TGFBR3: variants seen among roughly 807,000 people sequenced by gnomAD.
TGFBR3 encodes transforming growth factor beta receptor type 3.
TGFBR3 carries 46 observed loss-of-function variants against 87.9 expected under a neutral mutation model. The ratio of observed to expected loss-of-function variants is 0.52; its 90% confidence interval spans 0.41 to 0.67. TGFBR3 has a LOEUF of 0.67. Among genes scored for constraint, TGFBR3 ranks in the 30% least tolerant of loss-of-function variants. The probability of loss-of-function intolerance (pLI) is 0.00; values close to 1 mark genes in which losing one functional copy is unlikely to be tolerated. For synonymous variants in TGFBR3, 381 were observed against 391.6 expected (o/e 0.97, Z 0.32); for missense variants, 866 against 1,041.9 (o/e 0.83, Z 2.32).
At chr1:91,842,335 T>A (rs1557739485) in intron 2 of TGFBR3, among the ~76,000 whole-genome samples, 1 of 152,000 alleles carries the variant, frequency 6.6e-6, no homozygotes, top group Non-Finnish European at 1.5e-5. Flanking sequence ...AGTAGGGTGG[T>A]TAGACTGGGA....
At chr1:91,764,914 T>C (rs1674118728) in intron 3 of TGFBR3, among the ~76,000 whole-genome samples, 2 of 152,132 alleles carry the variant, frequency 1.3e-5, no homozygotes, top group Non-Finnish European at 1.5e-5. Flanking sequence ...TTTCTACCTC[T>C]GCCTCTGCCT....
chr1:91,709,167 T>C (rs766863823), intron 13 of TGFBR3, among the ~76,000 whole-genome samples: 3 of 152,202 alleles, frequency 2.0e-5, no homozygotes, highest in Non-Finnish European at 4.4e-5. Context: ...TTGTGGGAAA[T>C]TTCCCATAAA....
intron 1 of TGFBR3, among the ~76,000 whole-genome samples, chr1:91,870,672 C>G (rs1033975642): frequency 6.6e-6 from 1 of 152,110 alleles, no homozygotes; most frequent in Non-Finnish European, 1.5e-5. Flanking sequence ...GCCCTTTACT[C>G]CATTTTGTAG....
At chr1:91,858,986 C>A (rs986417717) in intron 2 of TGFBR3, among the ~76,000 whole-genome samples, 1 of 151,006 alleles carries the variant, frequency 6.6e-6, no homozygotes, top group Non-Finnish European at 1.5e-5. Context: ...AACCAGGAGG[C>A]AGAGGTTGCA....
At chr1:91,800,216 A>G (rs1249650636) in intron 2 of TGFBR3, among the ~76,000 whole-genome samples, 1 of 120,346 alleles carries the variant, frequency 8.3e-6, no homozygotes, top group Non-Finnish European at 1.8e-5. Flanking sequence ...ATATGATGAA[A>G]CCCCATCTCT....
intron 2 of TGFBR3, among the ~76,000 whole-genome samples, chr1:91,829,521 T>C (rs192151898): frequency 4.6e-5 from 7 of 152,002 alleles, no homozygotes; most frequent in African/African-American, 1.7e-4. Flanking sequence ...GGTCCAGCCA[T>C]AGAATCATAG....
chr1:91,823,738 G>A (rs1676534470), intron 2 of TGFBR3, among the ~76,000 whole-genome samples: 2 of 152,210 alleles, frequency 1.3e-5, no homozygotes, highest in African/African-American at 4.8e-5. Context: ...GAATGAAAGG[G>A]GTGGAGATGG....
intron 4 of TGFBR3, among the ~76,000 whole-genome samples, chr1:91,739,507 T>G (rs1029767441): frequency 6.6e-6 from 1 of 152,216 alleles, no homozygotes; most frequent in Non-Finnish European, 1.5e-5. Context: ...CCTTCTGCAC[T>G]TTCATCTAAA....
intron 2 of TGFBR3, among the ~76,000 whole-genome samples, chr1:91,800,326 G>GTGTA (rs1675566487): frequency 7.3e-6 from 1 of 136,964 alleles, no homozygotes; most frequent in Non-Finnish European, 1.5e-5. Context: ...ATATATATGT[G>GTGTA]TATATGTGTG....
At chr1:91,878,319 T>C (rs991571991) in intron 1 of TGFBR3, among the ~76,000 whole-genome samples, 1 of 151,056 alleles carries the variant, frequency 6.6e-6, no homozygotes, top group Non-Finnish European at 1.5e-5. Context: ...CCAGCAATTA[T>C]CACACAGTTA....
intron 3 of TGFBR3, among the ~76,000 whole-genome samples, chr1:91,771,705 C>CACA (rs1553165938): frequency 4.8e-5 from 4 of 83,130 alleles, no homozygotes; most frequent in Non-Finnish European, 9.6e-5. Flanking sequence ...GACTCTGTCT[C>CACA]AAAAAAAAAA....
chr1:91,835,876 T>C (rs899791359), intron 2 of TGFBR3, among the ~76,000 whole-genome samples: 2 of 136,386 alleles, frequency 1.5e-5, no homozygotes, highest in African/African-American at 5.3e-5. Context: ...ACTAGAACTC[T>C]ACCATGCCCT....
chr1:91,847,603 CAAAA>C (rs57534144), intron 2 of TGFBR3, among the ~76,000 whole-genome samples: 3 of 88,278 alleles, frequency 3.4e-5, no homozygotes, highest in Non-Finnish European at 4.6e-5. Flanking sequence ...AACTCCATCT[CAAAA>C]AAAAAAAAAA....
At chr1:91,874,213 G>C (rs940471068) in intron 1 of TGFBR3, among the ~76,000 whole-genome samples, 9 of 152,168 alleles carry the variant, frequency 5.9e-5, no homozygotes, top group Admixed American at 6.5e-5. Flanking sequence ...GTTTTGGTTT[G>C]GTTTGTCTGT....
rs996908736 is a variant in TGFBR3 at position 91,885,988 on chromosome 1, C to G, written c.-224G>C. On this transcript the variant is annotated 5_prime_UTR_variant, in exon 1 of 17. Transcript: ENST00000212355. ...CGGCGAGCTCCGGCAGCTGCTGCGC[C>G]GCGGCAAAACTACGCCATCCGGACC... 2 of 452,748 alleles carry G rather than the reference C, an allele frequency of 4.4e-6. No individual in the cohort carries two copies. Among genetic ancestry groups the G allele is most frequent in the Admixed American group, 2.4e-5 (1 of 42,512 alleles). 28.0% of individuals were successfully genotyped at this position (452,748 alleles called of 1,614,324 possible).
intron 3 of TGFBR3, among the ~76,000 whole-genome samples, chr1:91,789,150 T>C (rs1298414631): frequency 1.3e-5 from 2 of 152,048 alleles, no homozygotes; most frequent in Non-Finnish European, 2.9e-5. Context: ...CTACTAAAAA[T>C]ACAAAAATTA....
intron 16 of TGFBR3, among the ~76,000 whole-genome samples, chr1:91,684,746 A>C (rs1457193809): frequency 6.6e-6 from 1 of 152,162 alleles, no homozygotes; most frequent in Non-Finnish European, 1.5e-5. Context: ...TGCAACCCTC[A>C]AAAAATGGCT....
intron 2 of TGFBR3, among the ~76,000 whole-genome samples, chr1:91,820,317 A>T (rs1042873987): frequency 1.3e-5 from 2 of 152,094 alleles, no homozygotes; most frequent in Admixed American, 6.5e-5. Flanking sequence ...CCATAACAAC[A>T]TCACTGTTAT....
upstream of TGFBR3, among the ~76,000 whole-genome samples, chr1:91,888,617 G>A (rs1420832093): frequency 2.0e-5 from 3 of 152,102 alleles, no homozygotes; most frequent in Non-Finnish European, 2.9e-5. Context: ...CAAGAGAATC[G>A]TTTGAACCCA....
Sources: gnomAD v4.1 joint callset for allele counts (sites outside exome capture counted in the v4.1 genomes callset) on GRCh38, gnomAD v4.1.1 for gene constraint, MANE v1.5 for transcripts, NCBI Gene and HGNC (gene_info 2026-07-23, HGNC 2026-07-21) for gene names.